Variants in FGF5 observed in about 807,000 individuals in gnomAD.
FGF5 encodes fibroblast growth factor 5, also known as heparin-binding growth factor 5.
A neutral mutation model predicts 21.8 loss-of-function variants in FGF5; 23 were observed. The observed-to-expected ratio is 1.05, with a 90% CI of 0.76 to 1.49. FGF5 has a LOEUF of 1.49. FGF5 is among the 40% of genes most tolerant of loss of function. FGF5 has a pLI of 0.00. For missense variants in FGF5, 352 were observed against 332.9 expected, an observed-to-expected ratio of 1.06 and a Z score of -0.45; for synonymous variants, 158 against 124.0, an observed-to-expected ratio of 1.27 and a Z score of -1.82.
intron 1 of FGF5, chr4:80,268,457 C>T (rs34408322): frequency 1.0e-5 from 10 of 985,130 alleles, no homozygotes; most frequent in South Asian, 4.7e-5. Context: ...AAAGACTCCA[C>T]GGGCCATTGG....
intron 2 of FGF5, among the ~76,000 whole-genome samples, chr4:80,275,843 A>G (rs1233727583): frequency 2.6e-5 from 4 of 152,054 alleles, no homozygotes; most frequent in Non-Finnish European, 4.4e-5. Flanking sequence ...TCACATTAAA[A>G]CATTTTGAAA....
intron 1 of FGF5, among the ~76,000 whole-genome samples, chr4:80,271,961 T>C (rs1720282735): frequency 6.6e-6 from 1 of 152,186 alleles, no homozygotes; most frequent in African/African-American, 2.4e-5. Context: ...CTGTGATGTT[T>C]TGGGGAGGAG....
At position 80,286,605 on chromosome 4, in the gene FGF5, T is replaced by C. The variant is rs758384061; in HGVS notation, c.740T>C (p.Ile247Thr). The change falls in exon 3 of 3, where the codon ATT becomes ACT. Residue 247 changes from isoleucine to threonine, a missense_variant. Coordinates refer to ENST00000312465, the MANE Select transcript of FGF5 (RefSeq NM_004464.4). ...CCACCTAGCCCTATCAAGCCAAAGA[T>C]TCCCCTTTCTGCACCTCGGAAAAAT... ...KKPPSPIKPK[I>T]PLSAPRKNTN... is the part of the protein sequence containing the mutation. 3.6e-5 allele frequency: 58 copies of C among 1,613,930 alleles called. No homozygotes were observed. In the Middle Eastern group the frequency reaches 8.2e-4, roughly 23 times the overall value.
chr4:80,266,710 C>G lies in FGF5; in HGVS notation c.-115C>G, dbSNP rs1386791965. ...CCCTCTCCCCTTCTCTTCCCCGAGG[C>G]TATGTCCACCCGGTGCGGCGAGGCG... is the stretch of plus-strand genomic sequence containing the variant. On this transcript the variant is annotated 5_prime_UTR_variant, in exon 1 of 3. Coordinates refer to ENST00000312465, the MANE Select transcript of FGF5 (RefSeq NM_004464.4). 1 of 888,082 alleles carries G rather than the reference C, an allele frequency of 1.1e-6. No homozygotes were observed. The highest frequency in any genetic ancestry group is 1.7e-5 in the African/African-American group (1 of 59,670). The allele number at this position is 888,082 out of a possible 1,614,324, so 55.0% of individuals were successfully genotyped here. A position where few individuals can be genotyped will look rare whatever the true frequency, so the allele number is the denominator to read the frequency against.
intron 2 of FGF5, among the ~76,000 whole-genome samples, chr4:80,279,031 C>T (rs147161819): frequency 0.012 from 1,854 of 152,282 alleles, 38 homozygotes; most frequent in Middle Eastern, 0.085. Flanking sequence ...CTTTATCTGT[C>T]TGTCTGTCCC....
chr4:80,290,441 C>A lies in FGF5; in HGVS notation c.*3769C>A, dbSNP rs1344560344. 1 of 152,096 alleles carries A rather than the reference C, an allele frequency of 6.6e-6. No homozygotes were observed. The highest frequency in any genetic ancestry group is 2.4e-5 in the African/African-American group (1 of 41,402). 9.4% of individuals were successfully genotyped at this position (152,096 alleles called of 1,614,324 possible). ...GAGTTACCTCCTCCATCTTACTCTG[C>A]CCTATTTGAAAGTCTCAGGGGAGAA... On this transcript the variant is annotated 3_prime_UTR_variant, in exon 3 of 3. Coordinates refer to ENST00000312465, the MANE Select transcript of FGF5 (RefSeq NM_004464.4).
intron 1 of FGF5, among the ~76,000 whole-genome samples, chr4:80,272,974 T>C (rs1720311852): frequency 6.6e-6 from 1 of 152,144 alleles, no homozygotes; most frequent in Admixed American, 6.6e-5. Context: ...ATAGTCATGC[T>C]TTAGTAATAA....
chr4:80,274,024 T>C (rs373997232), intron 1 of FGF5, among the ~76,000 whole-genome samples: 1 of 152,296 alleles, frequency 6.6e-6, no homozygotes, highest in East Asian at 1.9e-4. Flanking sequence ...TTCATGTTCA[T>C]ATAAAATACA....
rs1047245 is a variant in FGF5, at chr4:80,266,741, A to C, written c.-84A>C. The C allele has an allele frequency of 0.11, 138,182 of 1,204,290 alleles. 11,585 individuals are homozygous for C. The highest frequency in any genetic ancestry group is 0.42 in the African/African-American group (27,306 of 65,718). 74.6% of individuals were successfully genotyped at this position (1,204,290 alleles called of 1,614,324 possible). On this transcript the variant is annotated 5_prime_UTR_variant, in exon 1 of 3. Transcript: ENST00000312465. Reference sequence around the variant, plus strand: ...CCACCCGGTGCGGCGAGGCGGGCAGAGCCAGAGGCACGCAGCCGCACAGGG... The same window carrying C: ...CCACCCGGTGCGGCGAGGCGGGCAGCGCCAGAGGCACGCAGCCGCACAGGG...
intron 1 of FGF5, among the ~76,000 whole-genome samples, chr4:80,267,695 T>A (rs1039197106): frequency 2.1e-5 from 3 of 145,052 alleles, no homozygotes; most frequent in Non-Finnish European, 4.4e-5. Flanking sequence ...TATATGTATA[T>A]ATGTATATAA....
At chr4:80,273,406 CA>C (rs1720325158) in intron 1 of FGF5, among the ~76,000 whole-genome samples, 2 of 152,112 alleles carry the variant, frequency 1.3e-5, no homozygotes, top group African/African-American at 4.8e-5. Flanking sequence ...AATAAATAAA[CA>C]GCAGTGCTTG....
At position 80,287,219 on chromosome 4, in the gene FGF5, A is replaced by G. The variant is rs1013793687; in HGVS notation, c.*547A>G. 4 of 152,192 alleles carry G rather than the reference A, an allele frequency of 2.6e-5. No homozygotes were observed. Among genetic ancestry groups the G allele is most frequent in the African/African-American group, 7.2e-5 (3 of 41,454 alleles). 9.4% of individuals were successfully genotyped at this position (152,192 alleles called of 1,614,324 possible). ...AATGTGTTTATAGCTCATTTGTAAT[A>G]TGGAAATCTTTTACATTTTTCCTAT... On this transcript the variant is annotated 3_prime_UTR_variant, in exon 3 of 3. Coordinates refer to ENST00000312465, the MANE Select transcript of FGF5 (RefSeq NM_004464.4).
At chr4:80,275,437 T>C (rs1212206044) in intron 2 of FGF5, among the ~76,000 whole-genome samples, 2 of 151,932 alleles carry the variant, frequency 1.3e-5, no homozygotes, top group Non-Finnish European at 2.9e-5. Context: ...TGGGTCTCAG[T>C]AATGTAAAAT....
At chr4:80,285,849 A>C (rs1230734297) in intron 2 of FGF5, among the ~76,000 whole-genome samples, 1 of 152,218 alleles carries the variant, frequency 6.6e-6, no homozygotes, top group Non-Finnish European at 1.5e-5. Flanking sequence ...TAACATTGAA[A>C]AAATGCAAGC....
At position 80,286,452 on chromosome 4, in the gene FGF5, G is replaced by C. The variant is rs923946868; in HGVS notation, c.587G>C (p.Gly196Ala). 8 of 1,613,964 alleles carry C rather than the reference G, an allele frequency of 5.0e-6. No individual in the cohort carries two copies. The highest frequency in any genetic ancestry group is 5.9e-6 in the Non-Finnish European group (7 of 1,179,970). ...TGGTATGTGGCCCTGAATAAAAGAGGAAAAGCCAAACGAGGGTGCAGCCCC... is the reference window on the plus strand; with the variant it reads ...TGGTATGTGGCCCTGAATAAAAGAGCAAAAGCCAAACGAGGGTGCAGCCCC... ...REWYVALNKRGKAKRGCSPRV... is the reference protein window; with the variant it reads ...REWYVALNKRAKAKRGCSPRV... Residue 196 changes from glycine to alanine, a missense_variant, in exon 3 of 3, where the codon GGA (glycine) becomes GCA (alanine). Transcript: ENST00000312465.
intron 2 of FGF5, among the ~76,000 whole-genome samples, chr4:80,276,241 T>C (rs1312332689): frequency 6.6e-6 from 1 of 151,910 alleles, no homozygotes; most frequent in Non-Finnish European, 1.5e-5. Flanking sequence ...GGGTTAACAA[T>C]CTAAATATAA....
At chr4:80,281,288 C>A (rs1720546302) in intron 2 of FGF5, among the ~76,000 whole-genome samples, 1 of 151,886 alleles carries the variant, frequency 6.6e-6, no homozygotes, top group African/African-American at 2.4e-5. Context: ...GGGATGGGAA[C>A]CAAGCAGGTC....
chr4:80,268,102 G>A (rs762027107), intron 1 of FGF5, among the ~76,000 whole-genome samples: 4 of 152,058 alleles, frequency 2.6e-5, no homozygotes, highest in Admixed American at 2.6e-4. Context: ...CTTTCAGCAC[G>A]CTCTCTTTTT....
intron 2 of FGF5, among the ~76,000 whole-genome samples, chr4:80,279,104 T>C (rs1417220577): frequency 1.3e-5 from 2 of 152,170 alleles, no homozygotes; most frequent in Non-Finnish European, 2.9e-5. Context: ...TGGATTTATC[T>C]GAGGTGGGTC....
Sources: allele counts gnomAD v4.1 joint callset (sites outside exome capture counted in the v4.1 genomes callset), GRCh38; gene constraint gnomAD v4.1.1; transcripts MANE v1.5; gene names NCBI Gene and HGNC (gene_info 2026-07-23, HGNC 2026-07-21).